Variants in TENM3 observed in about 807,000 individuals in gnomAD.
TENM3 encodes teneurin-3.
A neutral mutation model predicts 255.1 loss-of-function variants in TENM3; 63 were observed. The ratio of observed to expected loss-of-function variants is 0.25; its 90% CI spans 0.20 to 0.30. TENM3 has a LOEUF of 0.30. TENM3 is among the 10% of genes least tolerant of loss of function. The pLI, the probability that TENM3 is intolerant of heterozygous loss-of-function variation, is 1.00. For synonymous variants in TENM3, 1,306 were observed against 1,322.3 expected, an observed-to-expected ratio of 0.99 and a Z score of 0.27; for missense variants, 2,929 against 3,461.1, an observed-to-expected ratio of 0.85 and a Z score of 3.86.
At chr4:181,522,796 A>T in the TENM3 span, 172 of 842,334 alleles carry the variant, frequency 2.0e-4, 4 homozygotes, top group South Asian at 2.3e-3. Context: ...GATCCTGGTC[A>T]AACTTTAATT....
At chr4:182,728,729 C>A in intron 13 of TENM3, among the ~76,000 whole-genome samples, 1 of 152,106 alleles carries the variant, frequency 6.6e-6, no homozygotes, top group East Asian at 1.9e-4. Context: ...CGTAAAAATA[C>A]AGCATTATTA....
intron 12 of TENM3, among the ~76,000 whole-genome samples, chr4:182,713,391 C>G (rs2152676661): frequency 6.6e-6 from 1 of 152,260 alleles, no homozygotes; most frequent in Non-Finnish European, 1.5e-5. Context: ...CGTATGCAGC[C>G]TGAATCCTAA....
At chr4:182,592,955 C>T (rs559998788) in intron 3 of TENM3, among the ~76,000 whole-genome samples, 1 of 152,110 alleles carries the variant, frequency 6.6e-6, no homozygotes, top group Non-Finnish European at 1.5e-5. Flanking sequence ...TTTAAATGTT[C>T]GTCAAGTTCA....
intron 1 of TENM3, among the ~76,000 whole-genome samples, chr4:182,251,918 C>T (rs1270471659): frequency 6.6e-6 from 1 of 152,208 alleles, no homozygotes; most frequent in Non-Finnish European, 1.5e-5. Flanking sequence ...TGCTGTGGCT[C>T]ATGCCCGTTA....
intron 10 of TENM3, among the ~76,000 whole-genome samples, chr4:182,681,139 A>G (rs535757698): frequency 1.3e-5 from 2 of 152,358 alleles, no homozygotes; most frequent in East Asian, 3.9e-4. Flanking sequence ...GTATGACATC[A>G]TGGATGTGTT....
chr4:182,386,532 G>A (rs1016139668), intron 3 of TENM3, among the ~76,000 whole-genome samples: 5 of 152,342 alleles, frequency 3.3e-5, no homozygotes, highest in Middle Eastern at 3.4e-3. Flanking sequence ...GCTGGAGCCC[G>A]CTCCCTCAGC....
intron 1 of TENM3, among the ~76,000 whole-genome samples, chr4:182,249,189 A>C (rs1416982343): frequency 1.3e-5 from 2 of 152,212 alleles, no homozygotes; most frequent in Non-Finnish European, 2.9e-5. Flanking sequence ...AATGGGAGTC[A>C]TGTGGTCATG....
chr4:181,926,690 G>A, the TENM3 span, among the ~76,000 whole-genome samples: 1 of 151,902 alleles, frequency 6.6e-6, no homozygotes, highest in Non-Finnish European at 1.5e-5. Context: ...TTTTTAAATG[G>A]CATCAAAAGA....
chr4:182,484,025 C>T (rs528824935), intron 3 of TENM3, among the ~76,000 whole-genome samples: 143 of 152,228 alleles, frequency 9.4e-4, no homozygotes, highest in African/African-American at 3.2e-3. Flanking sequence ...CGAACCACAT[C>T]GGCCTGTTAC....
At chr4:181,940,858 C>T in the TENM3 span, among the ~76,000 whole-genome samples, 1,036 of 152,250 alleles carry the variant, frequency 6.8e-3, 8 homozygotes, top group Middle Eastern at 0.01. Context: ...ATTACAGTCT[C>T]CCAGGCAACA....
chr4:182,396,181 G>A (rs1380182254), intron 3 of TENM3, among the ~76,000 whole-genome samples: 4 of 152,178 alleles, frequency 2.6e-5, no homozygotes, highest in African/African-American at 9.7e-5. Flanking sequence ...TCATAAGTCA[G>A]TTATTCTGTT....
the TENM3 span, among the ~76,000 whole-genome samples, chr4:182,022,392 A>T: frequency 6.6e-6 from 1 of 152,184 alleles, no homozygotes; most frequent in African/African-American, 2.4e-5. Flanking sequence ...GGGCATGTTA[A>T]AAGGAGGGAA....
intron 3 of TENM3, among the ~76,000 whole-genome samples, chr4:182,487,539 T>A (rs942254738): frequency 1.3e-5 from 2 of 152,166 alleles, no homozygotes; most frequent in Non-Finnish European, 2.9e-5. Flanking sequence ...AGTATACCAC[T>A]GAAAATAATT....
At chr4:181,620,272 AAAAAT>A in the TENM3 span, among the ~76,000 whole-genome samples, 19,574 of 108,970 alleles carry the variant, frequency 0.18, 1,372 homozygotes, top group East Asian at 0.33. Flanking sequence ...AAATAAAAAT[AAAAAT>A]AAAATAAAAT....
the TENM3 span, among the ~76,000 whole-genome samples, chr4:181,548,646 C>T: frequency 6.6e-6 from 1 of 151,942 alleles, no homozygotes; most frequent in African/African-American, 2.4e-5. Flanking sequence ...AAAGATTAAA[C>T]CAAGAAAGAG....
intron 11 of TENM3, among the ~76,000 whole-genome samples, chr4:182,683,156 A>G (rs904488644): frequency 2.0e-5 from 3 of 152,204 alleles, no homozygotes; most frequent in Non-Finnish European, 4.4e-5. Context: ...CTTAAGAGCT[A>G]TGTGATCTTA....
chr4:181,991,213 C>G, the TENM3 span, among the ~76,000 whole-genome samples: 3 of 152,108 alleles, frequency 2.0e-5, no homozygotes, highest in Non-Finnish European at 2.9e-5. Context: ...AAAGTTCAAC[C>G]TCTTACAAAT....
At chr4:182,180,372 C>T (rs1234027479) in intron 1 of TENM3, among the ~76,000 whole-genome samples, 1 of 152,106 alleles carries the variant, frequency 6.6e-6, no homozygotes, top group African/African-American at 2.4e-5. Flanking sequence ...TGATGTTTAT[C>T]TGCTGTTACA....
chr4:182,357,837 T>A (rs974266428), intron 3 of TENM3, among the ~76,000 whole-genome samples: 76 of 151,998 alleles, frequency 5.0e-4, no homozygotes, highest in African/African-American at 1.8e-3. Context: ...CTTCTAGGGT[T>A]TTTATGGTTT....
Sources: gnomAD v4.1 joint callset for allele counts (sites outside exome capture counted in the v4.1 genomes callset) on GRCh38, gnomAD v4.1.1 for gene constraint, MANE v1.5 for transcripts, NCBI Gene and HGNC (gene_info 2026-07-23, HGNC 2026-07-21) for gene names.